UBA5: variants seen among roughly 807,000 people sequenced by gnomAD.
UBA5 encodes the protein ubiquitin-like modifier-activating enzyme 5.
A neutral mutation model predicts 52.9 loss-of-function variants in UBA5; 28 were observed. The ratio of observed to expected loss-of-function variants is 0.53; its 90% CI spans 0.39 to 0.73. UBA5 has a LOEUF of 0.73. UBA5 is among the 30% of genes least tolerant of loss of function. The probability of loss-of-function intolerance (pLI) is 0.00; values close to 1 mark genes in which losing one functional copy is unlikely to be tolerated. For missense variants in UBA5, 388 were observed against 492.7 expected (o/e 0.79, Z 2.01); for synonymous variants, 135 against 162.1 (o/e 0.83, Z 1.27).
chr3:132,666,230 C>T, intron 3 of UBA5, 157 bp downstream of exon 3: 1 of 602,264 alleles, frequency 1.7e-6, no homozygotes, highest in African/African-American at 1.8e-5. Context: ...ATATCCCCAC[C>T]CAAACAAAAG....
chr3:132,658,357 C>T (rs905925006), upstream of UBA5, among the ~76,000 whole-genome samples: 9 of 152,108 alleles, frequency 5.9e-5, no homozygotes, highest in Admixed American at 5.9e-4. Flanking sequence ...AATTTTTATA[C>T]CACAACTAAT....
chr3:132,655,763 G>T (rs912594581), upstream of UBA5, among the ~76,000 whole-genome samples: 1 of 152,152 alleles, frequency 6.6e-6, no homozygotes, highest in African/African-American at 2.4e-5. Context: ...CAAGATTATT[G>T]TTACATCCTC....
upstream of UBA5, among the ~76,000 whole-genome samples, chr3:132,657,863 T>C (rs1937890276): frequency 6.9e-6 from 1 of 143,918 alleles, no homozygotes; most frequent in South Asian, 2.2e-4. Context: ...AAAACACATA[T>C]TCCTTTTTTT....
chr3:132,660,078 A>G (rs914127225), upstream of UBA5: 6 of 346,264 alleles, frequency 1.7e-5, no homozygotes, highest in Non-Finnish European at 2.6e-5. The surrounding 1 kb of genome is among the most constrained non-coding windows in gnomAD (Gnocchi z 4.1). Flanking sequence ...AGCCTCTTCC[A>G]CCCCCAAATT....
chr3:132,671,172 G>A (rs1938584643), intron 6 of UBA5, 123 bp downstream of exon 6: 1 of 787,582 alleles, frequency 1.3e-6, no homozygotes, highest in African/African-American at 1.7e-5. Context: ...TGTTTTATTT[G>A]TAATGTTCTC....
intron 1 of UBA5, among the ~76,000 whole-genome samples, chr3:132,661,905 A>G (rs1938185474): frequency 6.6e-6 from 1 of 152,228 alleles, no homozygotes; most frequent in Admixed American, 6.5e-5. Context: ...CCAAATATGA[A>G]CGGTTAATGG....
chr3:132,659,558 A>T, upstream of UBA5: 1 of 1,607,040 alleles, frequency 6.2e-7, no homozygotes, highest in East Asian at 2.3e-5. Flanking sequence ...GGAAAACTCA[A>T]TGTACAAATT....
chr3:132,672,017 T>C (rs368330145), intron 7 of UBA5, 33 bp from the exon 8 acceptor site: 11 of 1,609,026 alleles, frequency 6.8e-6, no homozygotes, highest in Admixed American at 3.4e-5. Context: ...CTTTTTCTCT[T>C]TTTTTTTGAA....
chr3:132,657,483 G>C (rs1220630060), upstream of UBA5, among the ~76,000 whole-genome samples: 1 of 152,100 alleles, frequency 6.6e-6, no homozygotes, highest in Non-Finnish European at 1.5e-5. Flanking sequence ...TTAGGATTTT[G>C]ATTGTCATTG....
At chr3:132,661,007 A>G in intron 1 of UBA5, 2 of 1,430,480 alleles carry the variant, frequency 1.4e-6, no homozygotes, top group African/African-American at 1.4e-5. Flanking sequence ...GACTGATAGT[A>G]AGAACTTTCA....
chr3:132,674,271 ATTTATC>A (rs1938734304), intron 8 of UBA5, among the ~76,000 whole-genome samples: 1 of 152,044 alleles, frequency 6.6e-6, no homozygotes, highest in Non-Finnish European at 1.5e-5. Context: ...TATTTTTGTC[ATTTATC>A]TTTTTTATGT....
rs151141988 is a variant in UBA5 at position 132,671,231 on chromosome 3, C to A, written c.579+182C>A. On this transcript the variant is annotated intron_variant, in intron 6 of 11. Coordinates refer to ENST00000356232, the MANE Select transcript of UBA5 (RefSeq NM_024818.6). ...CTAATAGCTGTGGGACCTAGACTGTCTAGCCTTGCTGCTGTGACATGTGTT... is the reference window on the plus strand; with the variant it reads ...CTAATAGCTGTGGGACCTAGACTGTATAGCCTTGCTGCTGTGACATGTGTT... Among the ~76,000 whole-genome samples, 412 of 152,278 alleles carry A rather than the reference C, an allele frequency of 2.7e-3. 1 individual carries two copies. Among genetic ancestry groups the A allele is most frequent in the African/African-American group, 9.6e-3 (397 of 41,562 alleles).
upstream of UBA5, among the ~76,000 whole-genome samples, chr3:132,657,866 C>CTTTTTTTTTTT (rs56190801): frequency 8.4e-6 from 1 of 119,166 alleles, no homozygotes; most frequent in African/African-American, 3.1e-5. Flanking sequence ...ACACATATTC[C>CTTTTTTTTTTT]TTTTTTTTTT....
At chr3:132,665,276 AT>A (rs1264368478) in intron 1 of UBA5, among the ~76,000 whole-genome samples, 1 of 152,118 alleles carries the variant, frequency 6.6e-6, no homozygotes, top group Non-Finnish European at 1.5e-5. Flanking sequence ...TGGTGGAACT[AT>A]TTGACTCCTT....
chr3:132,657,313 CTCTGT>C (rs1198969595), upstream of UBA5, among the ~76,000 whole-genome samples: 1 of 152,180 alleles, frequency 6.6e-6, no homozygotes, highest in Non-Finnish European at 1.5e-5. Context: ...TCTGTGAACT[CTCTGT>C]TCTATTTTAT....
intron 8 of UBA5, among the ~76,000 whole-genome samples, chr3:132,672,967 G>A (rs1184544437): frequency 6.6e-6 from 1 of 152,098 alleles, no homozygotes; most frequent in Non-Finnish European, 1.5e-5. Context: ...AAGCTTAGTT[G>A]TATTCCCTAA....
intron 1 of UBA5, among the ~76,000 whole-genome samples, chr3:132,661,454 T>C (rs987116632): frequency 1.3e-5 from 2 of 152,230 alleles, no homozygotes; most frequent in Admixed American, 1.3e-4. Context: ...GTAGCGCTTG[T>C]ACATGGCAAG....
At chr3:132,662,147 C>G (rs1938196147) in intron 1 of UBA5, among the ~76,000 whole-genome samples, 1 of 152,182 alleles carries the variant, frequency 6.6e-6, no homozygotes, top group South Asian at 2.1e-4. Flanking sequence ...TTTCAGAACT[C>G]AAGTCTAAAT....
chr3:132,675,528 C>T, intron 9 of UBA5, 77 bp from the exon 10 acceptor site: 2 of 1,515,274 alleles, frequency 1.3e-6, no homozygotes, highest in South Asian at 2.4e-5. Flanking sequence ...AGATAAAAAG[C>T]CTGTCTGAAT....
Sources: allele counts gnomAD v4.1 joint callset (sites outside exome capture counted in the v4.1 genomes callset), GRCh38; gene constraint gnomAD v4.1.1; non-coding constraint Gnocchi (gnomAD v3.1); transcripts MANE v1.5; gene names NCBI Gene and HGNC (gene_info 2026-07-23, HGNC 2026-07-21).